MAP2K5: variants seen among roughly 807,000 people sequenced by gnomAD.
The protein encoded by MAP2K5 is mitogen-activated protein kinase kinase 5.
Under a neutral mutation model 83.1 loss-of-function variants are expected in MAP2K5, and 49 were observed. The ratio of observed to expected loss-of-function variants is 0.59; its 90% CI spans 0.47 to 0.75. The LOEUF (loss-of-function observed/expected upper bound fraction) is 0.75. MAP2K5 is among the 30% of genes least tolerant of loss of function. The pLI, the probability that MAP2K5 is intolerant of heterozygous loss-of-function variation, is 0.00. For synonymous variants in MAP2K5, 202 were observed against 191.8 expected (o/e 1.05, Z -0.44); for missense variants, 457 against 557.5 (o/e 0.82, Z 1.82).
intron 15 of MAP2K5, among the ~76,000 whole-genome samples, chr15:67,693,932 T>TC (rs1183769130): frequency 6.6e-5 from 10 of 152,018 alleles, no homozygotes; most frequent in Admixed American, 6.6e-4. Context: ...TTTTTTTTTT[T>TC]CTTGGAATAT....
rs368714175 is a variant in MAP2K5, at chr15:67,691,831, A to G, written c.848-648A>G. The stretch of plus-strand genomic sequence containing the variant: ...TTAACTATAACAGCAGCCAAAAATA[A>G]TGTAAGGGAAGAGAAGGATAAATGA... On this transcript the variant is annotated intron_variant, in intron 13 of 21. Transcript: ENST00000178640. Among the ~76,000 whole-genome samples, 3 of 152,358 alleles carry G rather than the reference A, an allele frequency of 2.0e-5. No individual in the cohort carries two copies. In the East Asian group the frequency reaches 5.8e-4, roughly 29 times the overall value.
At chr15:67,586,287 A>G (rs1377356303) in intron 5 of MAP2K5, among the ~76,000 whole-genome samples, 1 of 152,198 alleles carries the variant, frequency 6.6e-6, no homozygotes, top group East Asian at 1.9e-4. Flanking sequence ...CTCTCTTGAC[A>G]TATTTATGCT....
chr15:67,665,667 A>G lies in MAP2K5; in HGVS notation c.847+1022A>G, dbSNP rs1395471611. Among the ~76,000 whole-genome samples the G allele has an allele frequency of 6.6e-6, 1 of 152,152 alleles. No homozygotes were observed. On this transcript the variant is annotated intron_variant, in intron 13 of 21. Coordinates refer to ENST00000178640, the MANE Select transcript of MAP2K5 (RefSeq NM_145160.3). This position sits in a 1 kb window ranked among gnomAD's most constrained non-coding sequence, Gnocchi z 4.2. Reference sequence around the variant, plus strand: ...AATGAGGGTATCTAGATTTTGACAAATCAAATAGTCAGGTTTTTGAAGGTA... The same window carrying G: ...AATGAGGGTATCTAGATTTTGACAAGTCAAATAGTCAGGTTTTTGAAGGTA...
At position 67,552,587 on chromosome 15, in the gene MAP2K5, T is replaced by C. The variant is rs545761045; in HGVS notation, c.184+2505T>C. ...GTAGCTGGGACTACAGGCACCCACC[T>C]CCACACCTAGCTAATTAAAAAAATT... On this transcript the variant is annotated intron_variant, in intron 2 of 21. Transcript: ENST00000178640. This position sits in a 1 kb window ranked among gnomAD's most constrained non-coding sequence, Gnocchi z 4.2. 8.6e-5 allele frequency among the ~76,000 whole-genome samples: 13 copies of C among 151,936 alleles called. No individual in the cohort carries two copies.
chr15:67,723,779 C>T (rs1386375202), intron 16 of MAP2K5, among the ~76,000 whole-genome samples: 1 of 151,954 alleles, frequency 6.6e-6, no homozygotes, highest in East Asian at 1.9e-4. Flanking sequence ...ACTTAAGCTG[C>T]CTATATTACA....
chr15:67,648,405 C>T (rs2086876785), intron 11 of MAP2K5, among the ~76,000 whole-genome samples: 2 of 152,114 alleles, frequency 1.3e-5, no homozygotes, highest in South Asian at 4.1e-4. Context: ...TATATGAGAA[C>T]TTCATTCCTT....
At position 67,738,318 on chromosome 15, in the gene MAP2K5, G is replaced by T. The variant is rs115609244; in HGVS notation, c.1075-9913G>T. ...GCGACCTGGACTCCAGGCCTAGTTG[G>T]TAAAATCCTTTAATCAAAAGAAAGT... On this transcript the variant is annotated intron_variant, in intron 17 of 21. Coordinates refer to ENST00000178640, the MANE Select transcript of MAP2K5 (RefSeq NM_145160.3). This position sits in a 1 kb window ranked among gnomAD's most constrained non-coding sequence, Gnocchi z 4.1. Among the ~76,000 whole-genome samples the T allele has an allele frequency of 9.5e-3, 1,452 of 152,310 alleles. 18 individuals are homozygous for T. Among genetic ancestry groups the T allele is most frequent in the African/African-American group, 0.033 (1,387 of 41,566 alleles).
At chr15:67,620,542 A>C (rs1435534373) in intron 8 of MAP2K5, among the ~76,000 whole-genome samples, 1 of 152,198 alleles carries the variant, frequency 6.6e-6, no homozygotes, top group African/African-American at 2.4e-5. Context: ...TAGGGAAGTA[A>C]GTAGAAATAA....
chr15:67,657,010 A>G (rs910253525), intron 11 of MAP2K5, among the ~76,000 whole-genome samples: 2 of 152,348 alleles, frequency 1.3e-5, no homozygotes, highest in Middle Eastern at 3.4e-3. Context: ...TCTAACGGAC[A>G]TGAAAAGGAC....
chr15:67,731,493 A>G lies in MAP2K5; in HGVS notation c.1074+3548A>G, dbSNP rs192116504. Among the ~76,000 whole-genome samples, 345 of 152,292 alleles carry G rather than the reference A, an allele frequency of 2.3e-3. 7 individuals carry two copies. Among genetic ancestry groups the G allele is most frequent in the Admixed American group, 0.021 (319 of 15,294 alleles). On this transcript the variant is annotated intron_variant, in intron 17 of 21. Coordinates refer to ENST00000178640, the MANE Select transcript of MAP2K5 (RefSeq NM_145160.3). ...CTTTGGGTTGCATAACTTCCTTGGC[A>G]TGCAGTTTAGGGTTCTAAAGAAAAA... is the stretch of plus-strand genomic sequence containing the variant.
chr15:67,739,456 ATATATATTT>A (rs2089436016), intron 17 of MAP2K5, among the ~76,000 whole-genome samples: 1 of 17,198 alleles, frequency 5.8e-5, no homozygotes, highest in Admixed American at 1.1e-3. Flanking sequence ...ATATATATAT[ATATATATTT>A]TTTTTTTTTT....
chr15:67,803,271 G>C (rs2090738871), intron 21 of MAP2K5, among the ~76,000 whole-genome samples: 1 of 152,210 alleles, frequency 6.6e-6, no homozygotes, highest in African/African-American at 2.4e-5. Context: ...GTATTATTCA[G>C]TGTGCTATCT....
intron 8 of MAP2K5, among the ~76,000 whole-genome samples, chr15:67,601,946 T>C (rs1229317692): frequency 6.6e-6 from 1 of 152,248 alleles, no homozygotes; most frequent in Non-Finnish European, 1.5e-5. Context: ...GGATTGTTTT[T>C]TCCTGCAGAT....
At chr15:67,593,214 A>G (rs2085452997) in intron 7 of MAP2K5, among the ~76,000 whole-genome samples, 2 of 152,224 alleles carry the variant, frequency 1.3e-5, no homozygotes, top group South Asian at 4.1e-4. Flanking sequence ...CAGTTTTTAA[A>G]AAGTTAATCA....
At chr15:67,679,906 A>G (rs1008170693) in intron 13 of MAP2K5, 1 of 152,240 alleles carries the variant, frequency 6.6e-6, no homozygotes, top group Non-Finnish European at 1.5e-5. Context: ...TTGTGCAACC[A>G]TAACCATAAT....
At chr15:67,635,639 T>A (rs545640880) in intron 9 of MAP2K5, among the ~76,000 whole-genome samples, 2 of 152,294 alleles carry the variant, frequency 1.3e-5, no homozygotes, top group South Asian at 4.1e-4. Context: ...TTACATTTCA[T>A]ATAGTGTGGG....
chr15:67,674,136 C>G (rs1010735993), intron 13 of MAP2K5, among the ~76,000 whole-genome samples: 1 of 152,146 alleles, frequency 6.6e-6, no homozygotes, highest in Non-Finnish European at 1.5e-5. Flanking sequence ...CATGAGCCAC[C>G]GTGCCCGGCC....
intron 11 of MAP2K5, among the ~76,000 whole-genome samples, chr15:67,656,997 A>T: frequency 6.6e-6 from 1 of 152,192 alleles, no homozygotes; most frequent in Non-Finnish European, 1.5e-5. Flanking sequence ...TATGACGTTT[A>T]TCTCTAACGG....
intron 6 of MAP2K5, among the ~76,000 whole-genome samples, chr15:67,589,537 TAGAA>T (rs1430697528): frequency 6.6e-6 from 1 of 152,236 alleles, no homozygotes; most frequent in African/African-American, 2.4e-5. Flanking sequence ...CTGCTGGTGT[TAGAA>T]AGATTGATGA....
Sources: allele counts gnomAD v4.1 joint callset (sites outside exome capture counted in the v4.1 genomes callset), GRCh38; gene constraint gnomAD v4.1.1; non-coding constraint Gnocchi (gnomAD v3.1); transcripts MANE v1.5; gene names NCBI Gene and HGNC (gene_info 2026-07-23, HGNC 2026-07-21).